Variants in MGMT observed in about 807,000 individuals in gnomAD.
The protein encoded by MGMT is methylated-DNA--protein-cysteine methyltransferase.
In MGMT, 14 loss-of-function variants were observed where a neutral mutation model predicts 15.9. The ratio of observed to expected loss-of-function variants is 0.88; its 90% CI spans 0.58 to 1.37. The LOEUF (loss-of-function observed/expected upper bound fraction) is 1.37, where lower values mean the gene tolerates loss of function less well. MGMT is among the 40% of genes most tolerant of loss of function. MGMT has a pLI of 0.00. For synonymous variants in MGMT, 130 were observed against 118.2 expected (o/e 1.10, Z -0.65); for missense variants, 282 against 268.1 (o/e 1.05, Z -0.36).
chr10:129,471,045 C>A lies in MGMT; in HGVS notation c.-13+3749C>A, dbSNP rs9299870. Among the ~76,000 whole-genome samples the A allele has an allele frequency of 3.9e-5, 6 of 152,202 alleles. No homozygotes were observed. The East Asian group carries it at 5.8e-4, about 15-fold the overall frequency. ...AGCAGAGGCTCCCACCCAGCCCTGCCGCCCATTCCCAGAAGTCTGGGCTGG... is the reference window on the plus strand; with the variant it reads ...AGCAGAGGCTCCCACCCAGCCCTGCAGCCCATTCCCAGAAGTCTGGGCTGG... On this transcript the variant is annotated intron_variant, in intron 1 of 4. Transcript: ENST00000651593.
At chr10:129,668,147 T>C (rs1847680674) in intron 2 of MGMT, among the ~76,000 whole-genome samples, 1 of 152,178 alleles carries the variant, frequency 6.6e-6, no homozygotes, top group Non-Finnish European at 1.5e-5. Context: ...GTCTTTTCTC[T>C]CCCATAAGAA....
intron 2 of MGMT, among the ~76,000 whole-genome samples, chr10:129,620,854 T>C (rs1344328892): frequency 6.6e-6 from 1 of 152,250 alleles, no homozygotes; most frequent in Non-Finnish European, 1.5e-5. Context: ...TTGTACTTTT[T>C]ATTCTTCATT....
At chr10:129,727,958 C>G (rs1182651565) in intron 3 of MGMT, among the ~76,000 whole-genome samples, 1 of 152,198 alleles carries the variant, frequency 6.6e-6, no homozygotes, top group Non-Finnish European at 1.5e-5. Flanking sequence ...CAAGCAATCC[C>G]TTCTGGCTGG....
intron 1 of MGMT, among the ~76,000 whole-genome samples, chr10:129,509,384 G>A (rs1479951005): frequency 1.3e-5 from 2 of 152,146 alleles, no homozygotes; most frequent in East Asian, 3.8e-4. Context: ...CCTGCACACG[G>A]TTCCTGTGTG....
chr10:129,742,007 T>C (rs11016908), intron 3 of MGMT, among the ~76,000 whole-genome samples: 40,495 of 152,086 alleles, frequency 0.27, 5,647 homozygotes, highest in African/African-American at 0.34. Flanking sequence ...ACTGAGGGGC[T>C]CTGGGGAGAC....
intron 2 of MGMT, among the ~76,000 whole-genome samples, chr10:129,543,954 T>C (rs1184687190): frequency 6.6e-6 from 1 of 152,220 alleles, no homozygotes; most frequent in African/African-American, 2.4e-5. Context: ...AAAAGAGCAC[T>C]TTAGAGTAAC....
chr10:129,591,524 G>C (rs1260316523), intron 2 of MGMT, among the ~76,000 whole-genome samples: 1 of 152,200 alleles, frequency 6.6e-6, no homozygotes, highest in African/African-American at 2.4e-5. Context: ...GAGTGATGCT[G>C]GGGGAGGCTG....
intron 1 of MGMT, among the ~76,000 whole-genome samples, chr10:129,491,491 A>G (rs1447784310): frequency 6.6e-6 from 1 of 152,042 alleles, no homozygotes; most frequent in African/African-American, 2.4e-5. Flanking sequence ...TCTGTCATCT[A>G]TTGGCAAATT....
At chr10:129,555,164 C>T (rs1314232656) in intron 2 of MGMT, among the ~76,000 whole-genome samples, 1 of 152,196 alleles carries the variant, frequency 6.6e-6, no homozygotes, top group African/African-American at 2.4e-5. Context: ...TCCACCCTGC[C>T]CTACCCGCTG....
chr10:129,704,995 C>A (rs573259519), intron 2 of MGMT, among the ~76,000 whole-genome samples: 3 of 152,188 alleles, frequency 2.0e-5, no homozygotes, highest in South Asian at 2.1e-4. Flanking sequence ...CTCTTTCCCC[C>A]ACATCTCCCC....
chr10:129,545,926 A>C (rs989651045), intron 2 of MGMT, among the ~76,000 whole-genome samples: 3 of 152,232 alleles, frequency 2.0e-5, no homozygotes, highest in Non-Finnish European at 4.4e-5. Flanking sequence ...TTGCGTGCTG[A>C]TCAGTTCAGA....
intron 3 of MGMT, among the ~76,000 whole-genome samples, chr10:129,751,480 A>C (rs1848749964): frequency 6.6e-6 from 1 of 151,188 alleles, no homozygotes; most frequent in Admixed American, 6.6e-5. Flanking sequence ...AATTTCTTGG[A>C]TTTTACTCTT....
chr10:129,487,996 CATAGGT>C (rs1237420878), intron 1 of MGMT, among the ~76,000 whole-genome samples: 5 of 114,760 alleles, frequency 4.4e-5, no homozygotes, highest in East Asian at 3.0e-4. Flanking sequence ...CACACACACA[CATAGGT>C]ATACACACAC....
At chr10:129,524,061 A>G (rs1047857319) in intron 1 of MGMT, among the ~76,000 whole-genome samples, 2 of 152,174 alleles carry the variant, frequency 1.3e-5, no homozygotes, top group African/African-American at 4.8e-5. Context: ...GTGCACTGGT[A>G]CCTACTGTGT....
chr10:129,641,433 A>G (rs1038677076), intron 2 of MGMT, among the ~76,000 whole-genome samples: 2 of 152,216 alleles, frequency 1.3e-5, no homozygotes, highest in African/African-American at 4.8e-5. Context: ...CTGATAAGCC[A>G]TTCTGAAATC....
chr10:129,469,826 C>G (rs921528591), intron 1 of MGMT, among the ~76,000 whole-genome samples: 2 of 152,168 alleles, frequency 1.3e-5, no homozygotes, highest in Non-Finnish European at 2.9e-5. Context: ...CCTGCTTTGA[C>G]CTCCCAAGTA....
chr10:129,637,884 C>T (rs1847280137), intron 2 of MGMT, among the ~76,000 whole-genome samples: 1 of 152,150 alleles, frequency 6.6e-6, no homozygotes, highest in Non-Finnish European at 1.5e-5. Context: ...TTGCAGCATC[C>T]AGAGCTGTGA....
At chr10:129,497,471 G>T (rs1359168645) in intron 1 of MGMT, among the ~76,000 whole-genome samples, 1 of 152,120 alleles carries the variant, frequency 6.6e-6, no homozygotes, top group African/African-American at 2.4e-5. Context: ...GGCTTTTTGG[G>T]GGGACTTTTT....
chr10:129,571,309 C>A (rs551190411), intron 2 of MGMT, among the ~76,000 whole-genome samples: 1 of 152,240 alleles, frequency 6.6e-6, no homozygotes, highest in South Asian at 2.1e-4. Context: ...AATAAACACC[C>A]CTAAGTCTAA....
Sources: allele counts gnomAD v4.1 joint callset (sites outside exome capture counted in the v4.1 genomes callset), GRCh38; gene constraint gnomAD v4.1.1; transcripts MANE v1.5; gene names NCBI Gene and HGNC (gene_info 2026-07-23, HGNC 2026-07-21).